Variants in ERC2 observed in about 807,000 individuals in gnomAD.
ERC2 encodes ERC protein 2.
A neutral mutation model predicts 114.8 loss-of-function variants in ERC2; 42 were observed. The observed-to-expected ratio is 0.37, with a 90% CI of 0.29 to 0.47. The LOEUF (loss-of-function observed/expected upper bound fraction) is 0.47. Among genes scored for constraint, ERC2 ranks in the 20% least tolerant of loss-of-function variants. The probability of loss-of-function intolerance (pLI) is 0.99; values close to 1 mark genes in which losing one functional copy is unlikely to be tolerated. For synonymous variants in ERC2, 454 were observed against 425.5 expected, an observed-to-expected ratio of 1.07 and a Z score of -0.82; for missense variants, 939 against 1,150.7, an observed-to-expected ratio of 0.82 and a Z score of 2.66.
chr3:55,997,922 G>GTTTT (rs1559997200), intron 10 of ERC2, among the ~76,000 whole-genome samples: 24 of 36,090 alleles, frequency 6.7e-4, no homozygotes, highest in Non-Finnish European at 7.3e-4. Flanking sequence ...GTGTGTGTGT[G>GTTTT]TTTTTTGTTT....
At chr3:56,080,744 T>C (rs977894581) in intron 7 of ERC2, 73 bp downstream of exon 7, 10 of 1,471,534 alleles carry the variant, frequency 6.8e-6, no homozygotes, top group South Asian at 1.3e-5. Context: ...TTATTTTCCA[T>C]GTGCTCAAAA....
At chr3:56,462,997 C>T (rs1290004149) in intron 1 of ERC2, among the ~76,000 whole-genome samples, 1 of 152,100 alleles carries the variant, frequency 6.6e-6, no homozygotes, top group African/African-American at 2.4e-5. Context: ...GAGGCCAAGG[C>T]AGGCAGATCA....
chr3:56,265,570 A>C (rs1276554826), intron 3 of ERC2, among the ~76,000 whole-genome samples: 17 of 152,236 alleles, frequency 1.1e-4, no homozygotes, highest in Non-Finnish European at 1.0e-4. Flanking sequence ...GAAACACCAA[A>C]AACATAAGCA....
chr3:55,739,606 G>A (rs1426470111), intron 14 of ERC2, among the ~76,000 whole-genome samples: 1 of 151,404 alleles, frequency 6.6e-6, no homozygotes, highest in African/African-American at 2.4e-5. Context: ...TTGTGGGGTT[G>A]TTTTTTTTCT....
intron 17 of ERC2, among the ~76,000 whole-genome samples, chr3:55,670,493 G>A (rs919764623): frequency 6.6e-6 from 1 of 152,182 alleles, no homozygotes; most frequent in Non-Finnish European, 1.5e-5. Flanking sequence ...GATTGAAAAG[G>A]GTCACCATGG....
intron 16 of ERC2, among the ~76,000 whole-genome samples, chr3:55,684,322 G>GCACACA (rs148145445): frequency 2.7e-5 from 4 of 149,400 alleles, no homozygotes; most frequent in African/African-American, 4.9e-5. Flanking sequence ...ACACACACAC[G>GCACACA]CACACACACA....
At chr3:56,063,533 C>T (rs537330603) in intron 7 of ERC2, among the ~76,000 whole-genome samples, 2 of 152,300 alleles carry the variant, frequency 1.3e-5, no homozygotes, top group South Asian at 4.1e-4. Context: ...ACCTCTTGAA[C>T]ACCTACTATG....
chr3:55,891,077 G>C (rs2063574851), intron 13 of ERC2, among the ~76,000 whole-genome samples: 1 of 152,198 alleles, frequency 6.6e-6, no homozygotes, highest in Non-Finnish European at 1.5e-5. Flanking sequence ...GTGATCATTA[G>C]GGTGGTTTCA....
At chr3:56,408,018 C>A (rs2060794743) in intron 2 of ERC2, among the ~76,000 whole-genome samples, 1 of 152,172 alleles carries the variant, frequency 6.6e-6, no homozygotes, top group East Asian at 1.9e-4. Context: ...ATGTATATGG[C>A]TTATAGCACC....
At chr3:56,455,188 A>G (rs1034155442) in intron 1 of ERC2, among the ~76,000 whole-genome samples, 7 of 152,044 alleles carry the variant, frequency 4.6e-5, no homozygotes, top group Admixed American at 6.6e-5. Context: ...AAATGGTTAC[A>G]ATGGTAAATT....
rs62249287 is a variant in ERC2 at position 55,717,165 on chromosome 3, C to A, written c.2712+17606G>T. 1.4e-3 allele frequency among the ~76,000 whole-genome samples: 210 copies of A among 152,250 alleles called. 2 individuals carry two copies. Among genetic ancestry groups the A allele is most frequent in the Non-Finnish European group, 9.6e-4 (65 of 68,024 alleles). Reference sequence around the variant, plus strand: ...TATTTTAAACATTGAGGCTCACGGACCTTGTTTTTAAAGACTGTGCCTTGA... The same window carrying A: ...TATTTTAAACATTGAGGCTCACGGAACTTGTTTTTAAAGACTGTGCCTTGA... On this transcript the variant is annotated intron_variant, in intron 15 of 17. Coordinates refer to ENST00000288221, the MANE Select transcript of ERC2 (RefSeq NM_015576.3).
At chr3:56,309,504 C>T (rs2056416528) in intron 2 of ERC2, among the ~76,000 whole-genome samples, 1 of 152,190 alleles carries the variant, frequency 6.6e-6, no homozygotes, top group Admixed American at 6.5e-5. Context: ...AGCTTTGCAA[C>T]TAACCAGTTA....
intron 17 of ERC2, among the ~76,000 whole-genome samples, chr3:55,514,698 A>G (rs13314106): frequency 1.3e-5 from 2 of 152,090 alleles, no homozygotes; most frequent in South Asian, 4.1e-4. Context: ...ACCACGAGGA[A>G]ATGAATTCTG....
chr3:55,558,620 A>G (rs963797174), intron 17 of ERC2, among the ~76,000 whole-genome samples: 6 of 152,242 alleles, frequency 3.9e-5, no homozygotes, highest in African/African-American at 1.4e-4. Flanking sequence ...AAATGACTAT[A>G]ATTCCTTTTC....
Position 56,321,120 on chromosome 3 carries a change from C to G in ERC2, c.658-24685G>C, listed in dbSNP as rs80166139. Among the ~76,000 whole-genome samples the G allele has an allele frequency of 9.1e-3, 1,381 of 152,130 alleles. 19 individuals carry two copies. The highest frequency in any genetic ancestry group is 0.03 in the African/African-American group (1,259 of 41,482). On this transcript the variant is annotated intron_variant, in intron 2 of 17. Coordinates refer to ENST00000288221, the MANE Select transcript of ERC2 (RefSeq NM_015576.3). ...ACAAAAGCGTAATCCCACCATGTCCCCAGGAGAGTATAAAAATAAAAACAT... is the reference window on the plus strand; with the variant it reads ...ACAAAAGCGTAATCCCACCATGTCCGCAGGAGAGTATAAAAATAAAAACAT...
intron 14 of ERC2, among the ~76,000 whole-genome samples, chr3:55,811,846 T>A (rs1393015877): frequency 6.6e-6 from 1 of 152,222 alleles, no homozygotes; most frequent in African/African-American, 2.4e-5. Context: ...TTGTCTTTTT[T>A]AAATTTAATG....
chr3:55,858,335 T>C (rs1416073049), intron 14 of ERC2, among the ~76,000 whole-genome samples: 1 of 152,216 alleles, frequency 6.6e-6, no homozygotes. Flanking sequence ...AAGAAGGAAT[T>C]TAAATTTACA....
At chr3:56,271,967 T>C (rs1301441838) in intron 3 of ERC2, among the ~76,000 whole-genome samples, 2 of 152,220 alleles carry the variant, frequency 1.3e-5, no homozygotes, top group Non-Finnish European at 2.9e-5. Flanking sequence ...GGTGGATATG[T>C]ACCAAATTTT....
intron 17 of ERC2, among the ~76,000 whole-genome samples, chr3:55,544,518 G>A (rs1179479): frequency 0.19 from 28,731 of 152,022 alleles, 3,653 homozygotes; most frequent in East Asian, 0.48. Flanking sequence ...GGAGGATGAC[G>A]GGGCAGTCCT....
Sources: allele counts gnomAD v4.1 joint callset (sites outside exome capture counted in the v4.1 genomes callset), GRCh38; gene constraint gnomAD v4.1.1; transcripts MANE v1.5; gene names NCBI Gene and HGNC (gene_info 2026-07-23, HGNC 2026-07-21).